The following PXDNL variants were observed in gnomAD, a reference collection of about 807,000 sequenced individuals.
PXDNL encodes probable oxidoreductase PXDNL.
Under a neutral mutation model 150.8 loss-of-function variants are expected in PXDNL, and 145 were observed. The ratio of observed to expected loss-of-function variants is 0.96; its 90% CI spans 0.84 to 1.10. PXDNL has a LOEUF of 1.10. Ranked by LOEUF, PXDNL falls within the 50% of genes least tolerant of loss-of-function variation. The pLI is 0.00. For missense variants in PXDNL, 2,087 were observed against 1,873.9 expected (o/e 1.11, Z -2.10); for synonymous variants, 757 against 725.7 (o/e 1.04, Z -0.69).
chr8:51,600,602 C>T (rs61723112), intron 2 of PXDNL, among the ~76,000 whole-genome samples: 3 of 117,652 alleles, frequency 2.5e-5, no homozygotes, highest in Admixed American at 9.3e-5. Flanking sequence ...TAAATTATAT[C>T]GTTTAGATAA....
intron 1 of PXDNL, among the ~76,000 whole-genome samples, chr8:51,762,197 A>T (rs994746129): frequency 1.3e-5 from 2 of 152,204 alleles, no homozygotes; most frequent in Non-Finnish European, 2.9e-5. Flanking sequence ...AATTCTCACC[A>T]GATACATATT....
chr8:51,745,174 C>T (rs2036969469), intron 1 of PXDNL, among the ~76,000 whole-genome samples: 2 of 151,944 alleles, frequency 1.3e-5, no homozygotes, highest in Admixed American at 1.3e-4. Context: ...GAGAAAATAC[C>T]AAGTGCCTAT....
At chr8:51,600,896 T>C (rs571809347) in intron 2 of PXDNL, among the ~76,000 whole-genome samples, 2 of 142,166 alleles carry the variant, frequency 1.4e-5, no homozygotes, top group East Asian at 4.0e-4. Flanking sequence ...ATAAATTATA[T>C]AGTTTAGATA....
At chr8:51,653,274 C>T (rs905018327) in intron 2 of PXDNL, among the ~76,000 whole-genome samples, 1 of 151,986 alleles carries the variant, frequency 6.6e-6, no homozygotes, top group East Asian at 1.9e-4. Flanking sequence ...AAAAATTAGC[C>T]GGGCATGGTG....
At chr8:51,617,352 T>C (rs143812720) in intron 2 of PXDNL, among the ~76,000 whole-genome samples, 126 of 152,290 alleles carry the variant, frequency 8.3e-4, no homozygotes, top group African/African-American at 2.9e-3. Context: ...CAAAAAATAA[T>C]GCAAATAAAG....
intron 3 of PXDNL, among the ~76,000 whole-genome samples, chr8:51,582,540 T>C (rs1813231037): frequency 6.6e-6 from 1 of 152,232 alleles, no homozygotes; most frequent in Non-Finnish European, 1.5e-5. Flanking sequence ...CATAGAGTTC[T>C]TTTGAAGGAC....
At chr8:51,427,996 A>G (rs1269228342) in intron 12 of PXDNL, among the ~76,000 whole-genome samples, 1 of 152,164 alleles carries the variant, frequency 6.6e-6, no homozygotes, top group Non-Finnish European at 1.5e-5. Flanking sequence ...TATCAAAAAT[A>G]CTCCAAAGTG....
intron 1 of PXDNL, among the ~76,000 whole-genome samples, chr8:51,743,349 T>C (rs4873203): frequency 0.96 from 145,825 of 152,076 alleles, 70,222 homozygotes; most frequent in East Asian, 1. Context: ...TCCTGAGTAG[T>C]TGGGATTACA....
At chr8:51,728,025 TAAA>T (rs1816846259) in intron 1 of PXDNL, among the ~76,000 whole-genome samples, 2 of 152,236 alleles carry the variant, frequency 1.3e-5, no homozygotes, top group Non-Finnish European at 2.9e-5. Flanking sequence ...CTTAACACAT[TAAA>T]TACAGTCATG....
intron 2 of PXDNL, among the ~76,000 whole-genome samples, chr8:51,641,754 G>C (rs1433536620): frequency 1.3e-5 from 2 of 152,060 alleles, no homozygotes; most frequent in East Asian, 3.9e-4. Context: ...TTACACTCTT[G>C]GTGGGACTGT....
At chr8:51,446,602 G>C (rs1248656232) in intron 12 of PXDNL, among the ~76,000 whole-genome samples, 1 of 152,086 alleles carries the variant, frequency 6.6e-6, no homozygotes, top group Non-Finnish European at 1.5e-5. Context: ...GAGTCTGAAG[G>C]GGAGTGTCTT....
At chr8:51,664,178 A>G (rs1815333674) in intron 1 of PXDNL, among the ~76,000 whole-genome samples, 1 of 152,148 alleles carries the variant, frequency 6.6e-6, no homozygotes, top group South Asian at 2.1e-4. Context: ...TTGGCGTGTG[A>G]AAATAGCTTC....
chr8:51,689,592 A>C (rs996778588), intron 1 of PXDNL, among the ~76,000 whole-genome samples: 1 of 151,870 alleles, frequency 6.6e-6, no homozygotes, highest in Non-Finnish European at 1.5e-5. Context: ...TTTCCCTAAT[A>C]AGGTAACTGC....
chr8:51,483,953 A>C (rs1406699342), intron 5 of PXDNL, among the ~76,000 whole-genome samples: 1 of 152,142 alleles, frequency 6.6e-6, no homozygotes, highest in East Asian at 1.9e-4. Flanking sequence ...TTTTTAGTTT[A>C]CTTAGTTACA....
At chr8:51,460,678 G>A (rs1384451553) in intron 8 of PXDNL, among the ~76,000 whole-genome samples, 2 of 151,660 alleles carry the variant, frequency 1.3e-5, no homozygotes, top group African/African-American at 4.8e-5. Flanking sequence ...AAACTGCAGG[G>A]CACCACACCC....
intron 2 of PXDNL, among the ~76,000 whole-genome samples, chr8:51,606,031 A>G (rs528321585): frequency 6.6e-6 from 1 of 152,330 alleles, no homozygotes; most frequent in East Asian, 1.9e-4. Flanking sequence ...TTATTCATAT[A>G]TTATCTTGTT....
chr8:51,342,094 C>T (rs1806001984), intron 20 of PXDNL, among the ~76,000 whole-genome samples: 1 of 152,008 alleles, frequency 6.6e-6, no homozygotes, highest in Non-Finnish European at 1.5e-5. Flanking sequence ...CTGTATTGTA[C>T]ACTGACAAAT....
At chr8:51,416,308 G>A (rs1348261194) in intron 14 of PXDNL, among the ~76,000 whole-genome samples, 2 of 152,146 alleles carry the variant, frequency 1.3e-5, no homozygotes, top group East Asian at 3.8e-4. Flanking sequence ...TCACAATGGT[G>A]GACAGAAGTT....
At position 51,744,928 on chromosome 8, in the gene PXDNL, AAAAGAAAG is replaced by A. The variant is rs1193132745; in HGVS notation, c.164+64245_164+64252del. Among the ~76,000 whole-genome samples, 668 of 88,284 alleles carry A rather than the reference AAAAGAAAG, an allele frequency of 7.6e-3. 15 individuals carry two copies. The highest frequency in any genetic ancestry group is 0.029 in the African/African-American group (635 of 21,694). The allele number at this position is 88,284 out of a possible 152,430, so 57.9% of individuals were successfully genotyped here. A position where few individuals can be genotyped will look rare whatever the true frequency, so the allele number is the denominator to read the frequency against. On this transcript the variant is annotated intron_variant, in intron 1 of 22. Transcript: ENST00000356297. ...AAGGAAGGAAGGAAGGAAAGAAAGA[AAAAGAAAG>A]AAAGAAAGAAAGAAAGAAAGAAAGA...
Sources: allele counts gnomAD v4.1 joint callset (sites outside exome capture counted in the v4.1 genomes callset), GRCh38; gene constraint gnomAD v4.1.1; transcripts MANE v1.5; gene names NCBI Gene and HGNC (gene_info 2026-07-23, HGNC 2026-07-21).